Variants in MON2 observed in about 807,000 individuals in gnomAD.
MON2 encodes the protein MON2 regulator of endosome-to-Golgi trafficking.
Under a neutral mutation model 208.6 loss-of-function variants are expected in MON2, and 84 were observed. The ratio of observed to expected loss-of-function variants is 0.40; its 90% confidence interval spans 0.34 to 0.48. MON2 has a LOEUF of 0.48. Ranked by LOEUF, MON2 falls within the 20% of genes least tolerant of loss-of-function variation. The pLI is 0.59. For missense variants in MON2, 1,611 were observed against 2,015.4 expected (o/e 0.80, Z 3.84); for synonymous variants, 660 against 694.0 (o/e 0.95, Z 0.77).
At chr12:62,584,942 A>G (rs2075148014) in intron 32 of MON2, among the ~76,000 whole-genome samples, 1 of 151,880 alleles carries the variant, frequency 6.6e-6, no homozygotes, top group African/African-American at 2.4e-5. Flanking sequence ...ACTATTGTGA[A>G]GTATATTTTA....
At chr12:62,490,035 G>A in intron 2 of MON2, 1 of 1,204,438 alleles carries the variant, frequency 8.3e-7, no homozygotes, top group Non-Finnish European at 1.1e-6. Context: ...TTTTTTTCCA[G>A]GATAAAAACT....
intron 29 of MON2, among the ~76,000 whole-genome samples, chr12:62,567,519 C>T (rs10128830): frequency 0.35 from 53,359 of 151,986 alleles, 9,523 homozygotes; most frequent in African/African-American, 0.37. Flanking sequence ...CAAATCTTCA[C>T]ATCCTCAGTC....
intron 7 of MON2, among the ~76,000 whole-genome samples, chr12:62,505,900 AAAAAACAAAAC>A (rs899684358): frequency 1.3e-5 from 2 of 152,020 alleles, no homozygotes; most frequent in East Asian, 1.9e-4. Flanking sequence ...CAAAAACAGA[AAAAAACAAAAC>A]AAAAACAAAG....
intron 30 of MON2, among the ~76,000 whole-genome samples, chr12:62,575,297 T>C (rs1423629091): frequency 6.6e-6 from 1 of 152,250 alleles, no homozygotes; most frequent in African/African-American, 2.4e-5. Context: ...AAAAGTGCAG[T>C]GTTAAGAGAA....
At chr12:62,590,775 G>A (rs1221270708) in intron 34 of MON2, among the ~76,000 whole-genome samples, 1 of 152,086 alleles carries the variant, frequency 6.6e-6, no homozygotes. Context: ...CCGCCTCCTA[G>A]GTTTAAACGA....
intron 32 of MON2, among the ~76,000 whole-genome samples, chr12:62,580,703 T>C (rs1046078301): frequency 6.6e-6 from 1 of 152,164 alleles, no homozygotes; most frequent in African/African-American, 2.4e-5. Flanking sequence ...AACTGCAAAC[T>C]GTGAAGAATT....
At chr12:62,568,551 C>T (rs2074470919) in intron 29 of MON2, among the ~76,000 whole-genome samples, 1 of 152,152 alleles carries the variant, frequency 6.6e-6, no homozygotes, top group Admixed American at 6.5e-5. Context: ...GTTGCCCAGG[C>T]TGGTCTCAAA....
chr12:62,549,753 A>T lies in MON2; in HGVS notation c.2839A>T (p.Ile947Leu), dbSNP rs755318030. ...AACAATGCCTTGTACTTGCCTGCAA[A>T]TAGTTGTAGATGTTGCAGGTAGCTT... is the stretch of plus-strand genomic sequence containing the variant. Reference protein sequence around the residue: ...LPTMPCTCLQIVVDVAGSFGL... With the variant: ...LPTMPCTCLQLVVDVAGSFGL... The change falls in exon 23 of 35, where the codon ATA becomes TTA. Residue 947 changes from isoleucine (I) to leucine (L), a missense_variant. Coordinates refer to ENST00000393630, the MANE Select transcript of MON2 (RefSeq NM_015026.3). 9 of 1,612,730 alleles carry T rather than the reference A, an allele frequency of 5.6e-6. No homozygotes were observed. Among genetic ancestry groups the T allele is most frequent in the African/African-American group, 1.3e-5 (1 of 74,882 alleles).
intron 1 of MON2, among the ~76,000 whole-genome samples, chr12:62,479,018 G>A (rs2069247120): frequency 6.6e-6 from 1 of 152,184 alleles, no homozygotes; most frequent in African/African-American, 2.4e-5. Flanking sequence ...AGAAGAAATA[G>A]ATTTTTCTGG....
At position 62,516,993 on chromosome 12, in the gene MON2, A is replaced by G. The variant is rs528769819; in HGVS notation, c.985-7522A>G. On this transcript the variant is annotated intron_variant, in intron 8 of 34. Transcript: ENST00000393630. Reference sequence around the variant, plus strand: ...AGGATAGGAGGGATTTTTAAAAAGGAGAAGAACTTTAAGGGCCAATGTAGT... The same window carrying G: ...AGGATAGGAGGGATTTTTAAAAAGGGGAAGAACTTTAAGGGCCAATGTAGT... 2.0e-5 allele frequency among the ~76,000 whole-genome samples: 3 copies of G among 152,304 alleles called. No individual in the cohort carries two copies. The South Asian group carries it at 6.2e-4, about 32-fold the overall frequency.
intron 8 of MON2, 169 bp downstream of exon 8, chr12:62,508,649 A>G (rs868285744): frequency 1.7e-6 from 1 of 592,294 alleles, no homozygotes; most frequent in Middle Eastern, 4.2e-4. Flanking sequence ...CCTTTCTTGA[A>G]TCTTGCTTAT....
Position 62,561,111 on chromosome 12 carries a change from A to T in MON2, c.4030A>T (p.Lys1344Ter). The T allele has an allele frequency of 1.3e-6, 2 of 1,585,270 alleles. No homozygotes were observed. The highest frequency in any genetic ancestry group is 1.7e-6 in the Non-Finnish European group (2 of 1,169,128). The change falls in exon 26 of 35, where the codon AAG becomes TAG. Residue 1344 changes from lysine (K) to a stop codon, truncating the protein, a stop_gained and splice_region_variant. Coordinates refer to ENST00000393630, the MANE Select transcript of MON2 (RefSeq NM_015026.3). LOFTEE classifies it high-confidence loss of function. ...AVLTALDVLQ[K>*]AICVGPENMQ... ...ACTTACAGCTTTAGATGTTCTCCAAAAGGTAATATAATTTTAGTGGCTAAG... is the reference window on the plus strand; with the variant it reads ...ACTTACAGCTTTAGATGTTCTCCAATAGGTAATATAATTTTAGTGGCTAAG...
At chr12:62,542,204 C>G (rs571195999) in intron 19 of MON2, among the ~76,000 whole-genome samples, 5 of 152,040 alleles carry the variant, frequency 3.3e-5, no homozygotes, top group African/African-American at 1.2e-4. Context: ...GTCTTAAAAC[C>G]CCAATATACT....
At chr12:62,479,430 ATCC>A (rs1353867271) in intron 1 of MON2, among the ~76,000 whole-genome samples, 1 of 34,372 alleles carries the variant, frequency 2.9e-5, no homozygotes, top group African/African-American at 1.5e-4. Context: ...GTGTGTGTAT[ATCC>A]CCCCCCCCCC....
chr12:62,572,312 C>T (rs2074622325), intron 30 of MON2, among the ~76,000 whole-genome samples: 1 of 152,220 alleles, frequency 6.6e-6, no homozygotes, highest in Admixed American at 6.5e-5. Flanking sequence ...ACATTTCCAT[C>T]ATCACAGAAA....
intron 1 of MON2, 119 bp from the exon 2 acceptor site, chr12:62,484,051 G>C (rs1192120419): frequency 1.5e-6 from 1 of 688,448 alleles, no homozygotes; most frequent in Non-Finnish European, 2.6e-6. Flanking sequence ...AAATTAAAAA[G>C]GTGGTAGGGT....
In MON2 at chr12:62,560,240, CATT is replaced by C. The variant is rs1013052750; in HGVS notation, c.3410-247_3410-245del. On this transcript the variant is annotated intron_variant, in intron 25 of 34. Coordinates refer to ENST00000393630, the MANE Select transcript of MON2 (RefSeq NM_015026.3). ...CTGAGTTTTGTTTTTAAGATTGAAA[CATT>C]ATTTGATATATCCATCATCCTCCTC... The C allele has an allele frequency of 6.3e-5, 20 of 315,040 alleles. 1 individual carries two copies. The highest frequency in any genetic ancestry group is 9.8e-5 in the Non-Finnish European group (17 of 173,496). The allele number at this position is 315,040 out of a possible 1,614,324, so 19.5% of individuals were successfully genotyped here.
chr12:62,564,012 T>C (rs1031691997), intron 26 of MON2, among the ~76,000 whole-genome samples: 1 of 152,084 alleles, frequency 6.6e-6, no homozygotes, highest in Non-Finnish European at 1.5e-5. Context: ...TGTATAAATT[T>C]TACTATTCAA....
At position 62,526,089 on chromosome 12, in the gene MON2, G is replaced by A; in HGVS notation, c.1387G>A (p.Ala463Thr). 6.2e-7 allele frequency: 1 copy of A among 1,613,572 alleles called. No individual in the cohort carries two copies. Among genetic ancestry groups the A allele is most frequent in the Non-Finnish European group, 8.5e-7 (1 of 1,179,624 alleles). The change falls in exon 11 of 35, where the codon GCT becomes ACT. Residue 463 changes from alanine to threonine, a missense_variant. By Grantham distance (58) the Ala-to-Thr change is moderately conservative. Coordinates refer to ENST00000393630, the MANE Select transcript of MON2 (RefSeq NM_015026.3). ...PILTITVQGS[A>T]KATYLEMLDK... The stretch of plus-strand genomic sequence containing the variant: ...TCTGACAATCACAGTTCAAGGCAGT[G>A]CTAAAGCCACCTAGTAAGTAGTAGC...
Sources: allele counts gnomAD v4.1 joint callset (sites outside exome capture counted in the v4.1 genomes callset), GRCh38; gene constraint gnomAD v4.1.1; transcripts MANE v1.5; gene names NCBI Gene and HGNC (gene_info 2026-07-23, HGNC 2026-07-21).